ZNF536: variants seen among roughly 807,000 people sequenced by gnomAD.
The protein encoded by ZNF536 is zinc finger protein 536.
In ZNF536, 13 loss-of-function variants were observed where a neutral mutation model predicts 84.5. The ratio of observed to expected loss-of-function variants is 0.15; its 90% CI spans 0.10 to 0.24. The LOEUF (loss-of-function observed/expected upper bound fraction) is 0.24. Ranked by LOEUF, ZNF536 falls within the 10% of genes least tolerant of loss-of-function variation. The pLI is 1.00. For missense variants in ZNF536, 1,536 were observed against 1,747.5 expected (o/e 0.88, Z 2.16); for synonymous variants, 811 against 742.5 (o/e 1.09, Z -1.50).
intron 2 of ZNF536, among the ~76,000 whole-genome samples, chr19:30,467,739 G>A (rs1600866442): frequency 1.3e-5 from 2 of 152,210 alleles, no homozygotes; most frequent in East Asian, 3.8e-4. Context: ...TCTGGACCTT[G>A]GCCAAGATAC....
At chr19:30,643,027 G>A (rs994116867) in intron 1 of ZNF536, among the ~76,000 whole-genome samples, 5 of 152,168 alleles carry the variant, frequency 3.3e-5, no homozygotes, top group Non-Finnish European at 5.9e-5. Flanking sequence ...CTTAAGTTAT[G>A]ACCCGTCTTG....
At chr19:30,471,227 A>G (rs917146114) in intron 2 of ZNF536, among the ~76,000 whole-genome samples, 2 of 152,178 alleles carry the variant, frequency 1.3e-5, no homozygotes, top group Non-Finnish European at 2.9e-5. Flanking sequence ...ATCGTGTCCT[A>G]TTAATCTGGC....
At chr19:30,248,003 C>T (rs1002163709) in intron 1 of ZNF536, among the ~76,000 whole-genome samples, 3 of 152,276 alleles carry the variant, frequency 2.0e-5, no homozygotes, top group African/African-American at 4.8e-5. Flanking sequence ...TGTCACCTTA[C>T]GGTGCAGACA....
chr19:30,365,731 C>A (rs976562664), intron 3 of ZNF536, among the ~76,000 whole-genome samples: 1 of 152,182 alleles, frequency 6.6e-6, no homozygotes, highest in Admixed American at 6.5e-5. Flanking sequence ...AGCATTCCCA[C>A]ACCTAATTTT....
chr19:30,587,415 C>T (rs555315148), intron 1 of ZNF536, among the ~76,000 whole-genome samples: 1 of 152,194 alleles, frequency 6.6e-6, no homozygotes, highest in African/African-American at 2.4e-5. Flanking sequence ...TATTACTCTC[C>T]CATTCTCCGA....
At chr19:30,507,808 A>C (rs1817130759) in intron 2 of ZNF536, among the ~76,000 whole-genome samples, 1 of 152,234 alleles carries the variant, frequency 6.6e-6, no homozygotes, top group Non-Finnish European at 1.5e-5. Flanking sequence ...GTAGGCACAA[A>C]TAAGAGACAA....
intron 1 of ZNF536, among the ~76,000 whole-genome samples, chr19:30,691,392 A>G (rs1485604710): frequency 2.0e-5 from 3 of 151,330 alleles, no homozygotes; most frequent in African/African-American, 7.3e-5. Context: ...CTAAAAATCA[A>G]CTTGTCACCG....
chr19:30,316,764 G>C (rs968380102), intron 2 of ZNF536, among the ~76,000 whole-genome samples: 3 of 152,194 alleles, frequency 2.0e-5, no homozygotes, highest in Non-Finnish European at 4.4e-5. Context: ...TCAACAGGTG[G>C]TTTCTGGGGC....
At chr19:30,678,917 C>T (rs1047041722) in intron 1 of ZNF536, among the ~76,000 whole-genome samples, 1 of 152,094 alleles carries the variant, frequency 6.6e-6, no homozygotes, top group Non-Finnish European at 1.5e-5. Context: ...GCCTGGGTGA[C>T]AGAGTGAGAC....
chr19:30,656,174 C>T (rs2049905239), intron 1 of ZNF536, among the ~76,000 whole-genome samples: 1 of 152,148 alleles, frequency 6.6e-6, no homozygotes, highest in South Asian at 2.1e-4. Context: ...TGGTTCCTCT[C>T]CAGTGCTGTC....
In ZNF536 at chr19:30,466,378, CA is replaced by C. The variant is rs71173905; in HGVS notation, c.2170+20659del. 5.2e-3 allele frequency among the ~76,000 whole-genome samples: 708 copies of C among 136,018 alleles called. 4 individuals are homozygous for C. The highest frequency in any genetic ancestry group is 0.014 in the African/African-American group (524 of 38,538). 89.2% of individuals were successfully genotyped at this position (136,018 alleles called of 152,430 possible). A position where few individuals can be genotyped will look rare whatever the true frequency, so the allele number is the denominator to read the frequency against. On this transcript the variant is annotated intron_variant, in intron 2 of 4. Transcript: ENST00000355537. ...GCAACAAAGCGAAACTCCATTGCTG[CA>C]AAAAAAAAAAAACCCAAACCAAACC...
At chr19:30,239,013 C>T (rs1020518609) in intron 1 of ZNF536, among the ~76,000 whole-genome samples, 5 of 152,162 alleles carry the variant, frequency 3.3e-5, no homozygotes, top group Admixed American at 6.5e-5. Flanking sequence ...GGTGGGGAGT[C>T]GAACAGAGCT....
chr19:30,360,004 A>G (rs1388270965), intron 3 of ZNF536, among the ~76,000 whole-genome samples: 2 of 151,780 alleles, frequency 1.3e-5, no homozygotes, highest in African/African-American at 4.8e-5. Flanking sequence ...CCTGGTCCAG[A>G]CTCTTCTCCT....
chr19:30,568,484 A>G (rs1324030014), intron 1 of ZNF536, among the ~76,000 whole-genome samples: 1 of 152,226 alleles, frequency 6.6e-6, no homozygotes, highest in African/African-American at 2.4e-5. Flanking sequence ...ACTTTTTAAA[A>G]GGCAAAGGTG....
At chr19:30,336,775 C>A (rs2047397025) in intron 2 of ZNF536, among the ~76,000 whole-genome samples, 1 of 152,098 alleles carries the variant, frequency 6.6e-6, no homozygotes, top group Admixed American at 6.5e-5. Flanking sequence ...TCAGCTGTGA[C>A]CCCTGATGTT....
chr19:30,632,941 A>G (rs963272566), intron 1 of ZNF536, among the ~76,000 whole-genome samples: 2 of 152,290 alleles, frequency 1.3e-5, no homozygotes, highest in South Asian at 2.1e-4. Flanking sequence ...GGGTGGAGAG[A>G]GGAGGAAGAG....
chr19:30,264,604 G>C (rs945789420), intron 1 of ZNF536, among the ~76,000 whole-genome samples: 3 of 151,886 alleles, frequency 2.0e-5, no homozygotes, highest in Admixed American at 2.0e-4. Context: ...TTTTTTTGAA[G>C]CCAAGGCTAT....
chr19:30,308,339 A>G (rs538651709), intron 2 of ZNF536, among the ~76,000 whole-genome samples: 2 of 152,286 alleles, frequency 1.3e-5, no homozygotes, highest in South Asian at 4.2e-4. Flanking sequence ...TTCTCCATGT[A>G]ATCTTGTGAA....
intron 1 of ZNF536, among the ~76,000 whole-genome samples, chr19:30,688,661 T>TCTCGCGC (rs2051290289): frequency 6.6e-6 from 1 of 152,240 alleles, no homozygotes; most frequent in Admixed American, 6.5e-5. Context: ...TAAAACACTC[T>TCTCGCGC]CACATGGTTG....
Sources: allele counts gnomAD v4.1 joint callset (sites outside exome capture counted in the v4.1 genomes callset), GRCh38; gene constraint gnomAD v4.1.1; transcripts MANE v1.5; gene names NCBI Gene and HGNC (gene_info 2026-07-23, HGNC 2026-07-21).